Variants in UBE2D2 observed in about 807,000 individuals in gnomAD.
UBE2D2 encodes the protein ubiquitin conjugating enzyme E2 D2.
A neutral mutation model predicts 24.2 loss-of-function variants in UBE2D2; 2 were observed. The observed-to-expected ratio is 0.08, with a 90% confidence interval of 0.03 to 0.26. The LOEUF is 0.26. Among genes scored for constraint, UBE2D2 ranks in the 10% least tolerant of loss-of-function variants. The pLI, the probability that UBE2D2 is intolerant of heterozygous loss-of-function variation, is 1.00. For missense variants in UBE2D2, 44 were observed against 177.6 expected, an observed-to-expected ratio of 0.25 and a Z score of 4.28; for synonymous variants, 58 against 56.5, an observed-to-expected ratio of 1.03 and a Z score of -0.12.
intron 1 of UBE2D2, among the ~76,000 whole-genome samples, chr5:139,586,697 G>A (rs1044744220): frequency 7.9e-5 from 12 of 152,118 alleles, no homozygotes; most frequent in Non-Finnish European, 1.6e-4. Flanking sequence ...CCCGGGAGGT[G>A]GAGCTTGCAG....
chr5:139,598,508 T>G (rs979057269), intron 1 of UBE2D2, among the ~76,000 whole-genome samples: 2 of 151,774 alleles, frequency 1.3e-5, no homozygotes, highest in Non-Finnish European at 2.9e-5. Flanking sequence ...TGGTAACTGG[T>G]TGTAAAGCAT....
chr5:139,567,784 T>TCGAC (rs983112607), intron 1 of UBE2D2, among the ~76,000 whole-genome samples: 4 of 152,046 alleles, frequency 2.6e-5, no homozygotes, highest in African/African-American at 9.7e-5. Context: ...TCCACCCGCC[T>TCGAC]CGACCTCCCA....
chr5:139,566,907 A>G (rs890054998), intron 1 of UBE2D2, among the ~76,000 whole-genome samples: 13 of 152,072 alleles, frequency 8.5e-5, no homozygotes, highest in South Asian at 4.2e-4. Context: ...TTTTTTGGCA[A>G]CCGATTCAAC....
chr5:139,588,573 T>G (rs758694273), intron 1 of UBE2D2, among the ~76,000 whole-genome samples: 1 of 152,200 alleles, frequency 6.6e-6, no homozygotes, highest in Non-Finnish European at 1.5e-5. Flanking sequence ...CAAATTAGAT[T>G]ATATAAATGA....
At chr5:139,551,095 A>C (rs1171743294) in intron 1 of UBE2D2, among the ~76,000 whole-genome samples, 4 of 152,194 alleles carry the variant, frequency 2.6e-5, no homozygotes, top group Non-Finnish European at 4.4e-5. Flanking sequence ...CTGTAATCCC[A>C]GCACTTTGGG....
chr5:139,575,519 C>A (rs928935271), intron 1 of UBE2D2, among the ~76,000 whole-genome samples: 8 of 152,180 alleles, frequency 5.3e-5, no homozygotes, highest in African/African-American at 1.7e-4. Context: ...CAGTATTCTT[C>A]AGCAAACTTC....
intron 1 of UBE2D2, among the ~76,000 whole-genome samples, chr5:139,549,372 C>A (rs1221693447): frequency 9.9e-5 from 15 of 152,160 alleles, no homozygotes; most frequent in Non-Finnish European, 2.1e-4. Context: ...ACTGGGGCTG[C>A]GCGCATGGCA....
intron 1 of UBE2D2, among the ~76,000 whole-genome samples, chr5:139,544,544 G>A (rs1487448298): frequency 2.6e-5 from 4 of 151,278 alleles, no homozygotes; most frequent in Non-Finnish European, 5.9e-5. Context: ...ACCCACCTCA[G>A]CCTCCCAAGT....
At chr5:139,553,195 T>C (rs373096798) in intron 1 of UBE2D2, among the ~76,000 whole-genome samples, 17 of 152,172 alleles carry the variant, frequency 1.1e-4, no homozygotes, top group African/African-American at 4.1e-4. Flanking sequence ...ATTTAAAAAC[T>C]ATACCTTACG....
At chr5:139,541,301 GAA>G (rs146638009) in intron 1 of UBE2D2, among the ~76,000 whole-genome samples, 1 of 125,506 alleles carries the variant, frequency 8.0e-6, no homozygotes. Flanking sequence ...CTGTTTCGAA[GAA>G]AAAAAAAAAG....
chr5:139,530,870 A>C (rs1752589807), intron 1 of UBE2D2, among the ~76,000 whole-genome samples: 1 of 152,204 alleles, frequency 6.6e-6, no homozygotes. Flanking sequence ...TAATAAAAAT[A>C]ATAATAGTAA....
intron 1 of UBE2D2, among the ~76,000 whole-genome samples, chr5:139,573,943 C>T (rs1306127646): frequency 1.3e-5 from 2 of 151,878 alleles, no homozygotes; most frequent in Non-Finnish European, 2.9e-5. Flanking sequence ...TGCGCTCCAG[C>T]CTGGGCGACA....
chr5:139,582,047 A>G (rs1424732751), intron 1 of UBE2D2, among the ~76,000 whole-genome samples: 1 of 151,446 alleles, frequency 6.6e-6, no homozygotes, highest in Non-Finnish European at 1.5e-5. Flanking sequence ...GTGCGATGCA[A>G]TAGTGTGATC....
rs1753877656 is a variant in UBE2D2 at position 139,593,048 on chromosome 5, T to G, written c.25-7324T>G. Among the ~76,000 whole-genome samples, 4 of 145,136 alleles carry G rather than the reference T, an allele frequency of 2.8e-5. No individual in the cohort carries two copies. In the South Asian group the frequency reaches 8.7e-4, roughly 31 times the overall value. On this transcript the variant is annotated intron_variant, in intron 1 of 6. Transcript: ENST00000398733. ...TCTCGCTCTGTTACCCAGGCTGGAGTGCAGTGGTGTGATCTCGGCTCACTG... is the reference window on the plus strand; with the variant it reads ...TCTCGCTCTGTTACCCAGGCTGGAGGGCAGTGGTGTGATCTCGGCTCACTG...
chr5:139,562,909 A>G (rs927334540), intron 1 of UBE2D2, among the ~76,000 whole-genome samples: 1 of 152,042 alleles, frequency 6.6e-6, no homozygotes, highest in Admixed American at 6.6e-5. Context: ...CAGATTGGCT[A>G]TATTAAACCG....
chr5:139,622,630 C>T, intron 5 of UBE2D2, among the ~76,000 whole-genome samples: 1 of 151,144 alleles, frequency 6.6e-6, no homozygotes, highest in African/African-American at 2.4e-5. Context: ...TGGCTCACGC[C>T]TGTAATCCCA....
chr5:139,588,086 C>T (rs1421471736), intron 1 of UBE2D2, among the ~76,000 whole-genome samples: 1 of 152,090 alleles, frequency 6.6e-6, no homozygotes, highest in Admixed American at 6.6e-5. Context: ...GCCTCAGCCT[C>T]CCAAGTGGCT....
intron 1 of UBE2D2, among the ~76,000 whole-genome samples, chr5:139,577,964 G>A (rs1308317761): frequency 6.6e-6 from 1 of 152,204 alleles, no homozygotes; most frequent in African/African-American, 2.4e-5. Flanking sequence ...GGAGATCCTT[G>A]CGCAAATGCC....
At chr5:139,535,107 G>A (rs1244673156) in intron 1 of UBE2D2, among the ~76,000 whole-genome samples, 12 of 149,894 alleles carry the variant, frequency 8.0e-5, no homozygotes, top group African/African-American at 3.0e-4. Flanking sequence ...ATGCCACGGC[G>A]CTCCAGCCTG....
Sources: allele counts gnomAD v4.1 joint callset (sites outside exome capture counted in the v4.1 genomes callset), GRCh38; gene constraint gnomAD v4.1.1; transcripts MANE v1.5; gene names NCBI Gene and HGNC (gene_info 2026-07-23, HGNC 2026-07-21).